ELMO1: variants seen among roughly 807,000 people sequenced by gnomAD.
The protein encoded by ELMO1 is engulfment and cell motility 1, also known as engulfment and cell motility protein 1.
In ELMO1, 26 loss-of-function variants were observed where a neutral mutation model predicts 98.9. The ratio of observed to expected loss-of-function variants is 0.26; its 90% CI spans 0.19 to 0.36. The LOEUF (loss-of-function observed/expected upper bound fraction) is 0.36, where lower values mean the gene tolerates loss of function less well. ELMO1 is among the 10% of genes least tolerant of loss of function. The pLI, the probability that ELMO1 is intolerant of heterozygous loss-of-function variation, is 1.00. For synonymous variants in ELMO1, 346 were observed against 346.0 expected (o/e 1.00, Z 0.00); for missense variants, 627 against 935.2 (o/e 0.67, Z 4.30).
At chr7:36,987,821 G>C (rs906720519) in intron 16 of ELMO1, among the ~76,000 whole-genome samples, 1 of 150,608 alleles carries the variant, frequency 6.6e-6, no homozygotes, top group Non-Finnish European at 1.5e-5. Context: ...GCAATGGTGT[G>C]ATCTCGGCTC....
At chr7:37,026,578 C>T (rs1016383431) in intron 15 of ELMO1, among the ~76,000 whole-genome samples, 7 of 152,328 alleles carry the variant, frequency 4.6e-5, no homozygotes, top group Admixed American at 3.3e-4. Context: ...GCCCACTCCA[C>T]TACTTCTTGC....
intron 16 of ELMO1, among the ~76,000 whole-genome samples, chr7:36,934,559 T>G (rs532082275): frequency 6.6e-6 from 1 of 152,354 alleles, no homozygotes; most frequent in African/African-American, 2.4e-5. Flanking sequence ...TTGGGACTGT[T>G]TCTGCTTTGG....
chr7:37,116,323 G>A (rs368652708), intron 14 of ELMO1, among the ~76,000 whole-genome samples: 3 of 152,124 alleles, frequency 2.0e-5, no homozygotes, highest in East Asian at 3.9e-4. Context: ...AAAGAAAGAG[G>A]GCTTGTCACA....
At chr7:36,895,187 C>T (rs1438699791) in intron 16 of ELMO1, among the ~76,000 whole-genome samples, 170 bp from the exon 17 acceptor site, 1 of 152,162 alleles carries the variant, frequency 6.6e-6, no homozygotes, top group Non-Finnish European at 1.5e-5. Context: ...GCCCATCTTC[C>T]ATTTTCTCTT....
chr7:37,191,204 AAAG>A (rs1199651009), intron 13 of ELMO1, among the ~76,000 whole-genome samples: 3 of 151,074 alleles, frequency 2.0e-5, no homozygotes, highest in Admixed American at 6.6e-5. Context: ...AAAAAAAAAA[AAAG>A]AAAGAAAATA....
intron 16 of ELMO1, among the ~76,000 whole-genome samples, chr7:36,970,806 C>T (rs896518742): frequency 6.6e-6 from 1 of 152,224 alleles, no homozygotes; most frequent in African/African-American, 2.4e-5. Context: ...GAGCTGGCCA[C>T]TCAGTCTGAA....
At chr7:37,035,080 C>T (rs1795104012) in intron 15 of ELMO1, among the ~76,000 whole-genome samples, 2 of 152,176 alleles carry the variant, frequency 1.3e-5, no homozygotes, top group African/African-American at 2.4e-5. Flanking sequence ...CCAATAGATT[C>T]CTTGGTGGCA....
At chr7:37,146,121 C>T (rs149040799) in intron 13 of ELMO1, among the ~76,000 whole-genome samples, 121 of 152,262 alleles carry the variant, frequency 7.9e-4, no homozygotes, top group Non-Finnish European at 1.2e-3. Context: ...GGGAGCCAGG[C>T]GGTTGGATTT....
chr7:36,984,451 C>T (rs903471360), intron 16 of ELMO1, among the ~76,000 whole-genome samples: 27 of 152,188 alleles, frequency 1.8e-4, no homozygotes, highest in African/African-American at 6.0e-4. Context: ...AAGGTCTCTC[C>T]CAGACACCCA....
chr7:37,338,535 T>G (rs960774934), intron 2 of ELMO1, among the ~76,000 whole-genome samples: 5 of 152,194 alleles, frequency 3.3e-5, no homozygotes, highest in African/African-American at 1.2e-4. Context: ...TAAGGTACTT[T>G]GTTATAGCAG....
intron 1 of ELMO1, among the ~76,000 whole-genome samples, chr7:37,383,725 G>A (rs117946479): frequency 1.3e-5 from 2 of 152,186 alleles, no homozygotes; most frequent in African/African-American, 4.8e-5. Context: ...ACTATGTTAC[G>A]GGAAAAGAGT....
chr7:37,356,578 A>G (rs1165074917), intron 1 of ELMO1, among the ~76,000 whole-genome samples: 8 of 152,134 alleles, frequency 5.3e-5, no homozygotes. Flanking sequence ...CAATGAGAAC[A>G]CATGGACACA....
At position 37,054,867 on chromosome 7, in the gene ELMO1, C is replaced by A. The variant is rs192143621; in HGVS notation, c.1301-41432G>T. On this transcript the variant is annotated intron_variant, in intron 15 of 21. Transcript: ENST00000310758. ...CATTGAAAACCTGTTATAAAAATTTCATTTTCCATTGGCTGTAAATGTGAA... is the reference window on the plus strand; with the variant it reads ...CATTGAAAACCTGTTATAAAAATTTAATTTTCCATTGGCTGTAAATGTGAA... Among the ~76,000 whole-genome samples the A allele has an allele frequency of 8.1e-4, 124 of 152,324 alleles. 2 individuals are homozygous for A. In the Middle Eastern group the frequency reaches 0.01, roughly 13 times the overall value.
chr7:37,136,591 T>C (rs1409467561), intron 13 of ELMO1, among the ~76,000 whole-genome samples: 1 of 152,096 alleles, frequency 6.6e-6, no homozygotes, highest in African/African-American at 2.4e-5. Flanking sequence ...AACAAAACAA[T>C]TATCGGCCAA....
At chr7:37,232,180 C>A (rs1446866061) in intron 8 of ELMO1, among the ~76,000 whole-genome samples, 2 of 152,150 alleles carry the variant, frequency 1.3e-5, no homozygotes, top group African/African-American at 4.8e-5. Context: ...TTAAAAACTT[C>A]AAGTGACTCT....
chr7:37,414,285 T>C (rs1583715479), intron 1 of ELMO1, among the ~76,000 whole-genome samples: 1 of 152,300 alleles, frequency 6.6e-6, no homozygotes, highest in South Asian at 2.1e-4. Context: ...CAGTACCTCT[T>C]AGTATCCTGC....
intron 16 of ELMO1, chr7:36,984,814 A>C (rs1328648908): frequency 1.5e-4 from 122 of 793,308 alleles, no homozygotes; most frequent in Non-Finnish European, 1.2e-5. Context: ...TAACATGATG[A>C]ATCCTCAAAA....
intron 15 of ELMO1, among the ~76,000 whole-genome samples, chr7:37,054,740 C>T (rs1339372419): frequency 6.6e-6 from 1 of 152,138 alleles, no homozygotes; most frequent in Admixed American, 6.5e-5. Context: ...AAGCTGGCAG[C>T]CATTTTATCC....
At chr7:36,976,961 G>A (rs1482201275) in intron 16 of ELMO1, among the ~76,000 whole-genome samples, 2 of 152,168 alleles carry the variant, frequency 1.3e-5, no homozygotes, top group East Asian at 1.9e-4. Context: ...CAGTAAAAAC[G>A]TGGGCTTGGG....
Sources: gnomAD v4.1 joint callset for allele counts (sites outside exome capture counted in the v4.1 genomes callset) on GRCh38, gnomAD v4.1.1 for gene constraint, MANE v1.5 for transcripts, NCBI Gene and HGNC (gene_info 2026-07-23, HGNC 2026-07-21) for gene names.